Variants in LSAMP observed in about 807,000 individuals in gnomAD.
LSAMP encodes the protein limbic system associated membrane protein.
Under a neutral mutation model 38.6 loss-of-function variants are expected in LSAMP, and 7 were observed. The observed-to-expected ratio is 0.18, with a 90% confidence interval of 0.10 to 0.34. The LOEUF (loss-of-function observed/expected upper bound fraction) is 0.34, where lower values mean the gene tolerates loss of function less well. Among genes scored for constraint, LSAMP ranks in the 10% least tolerant of loss-of-function variants. The pLI, the probability that LSAMP is intolerant of heterozygous loss-of-function variation, is 1.00. For synonymous variants in LSAMP, 154 were observed against 166.8 expected, an observed-to-expected ratio of 0.92 and a Z score of 0.59; for missense variants, 313 against 420.0, an observed-to-expected ratio of 0.75 and a Z score of 2.23.
At chr3:116,088,149 G>A (rs1708036759) in intron 1 of LSAMP, among the ~76,000 whole-genome samples, 1 of 152,210 alleles carries the variant, frequency 6.6e-6, no homozygotes, top group Admixed American at 6.5e-5. Context: ...TAAGCACTGG[G>A]ATTATAGTCA....
chr3:116,381,406 GA>G (rs1397578925), intron 1 of LSAMP, among the ~76,000 whole-genome samples: 4 of 152,036 alleles, frequency 2.6e-5, no homozygotes, highest in African/African-American at 9.7e-5. Context: ...GTTGTATATG[GA>G]ATGATGGGAA....
At chr3:116,309,561 G>C (rs2047528894) in intron 1 of LSAMP, among the ~76,000 whole-genome samples, 3 of 152,032 alleles carry the variant, frequency 2.0e-5, no homozygotes, top group Non-Finnish European at 2.9e-5. Flanking sequence ...TACTCAAGAG[G>C]ACCACTCCCC....
intron 1 of LSAMP, among the ~76,000 whole-genome samples, chr3:116,242,475 C>T (rs1329102900): frequency 6.6e-6 from 1 of 152,106 alleles, no homozygotes; most frequent in East Asian, 1.9e-4. Flanking sequence ...GGACAACATC[C>T]CAAGTGGGCA....
intron 3 of LSAMP, among the ~76,000 whole-genome samples, chr3:115,912,527 C>A (rs1030806347): frequency 3.9e-5 from 6 of 152,164 alleles, no homozygotes; most frequent in Admixed American, 1.3e-4. Context: ...ATATGAAAAG[C>A]TCAGCTCCAT....
intron 3 of LSAMP, among the ~76,000 whole-genome samples, chr3:115,971,013 G>T (rs557536709): frequency 6.6e-6 from 1 of 152,096 alleles, no homozygotes; most frequent in Non-Finnish European, 1.5e-5. Flanking sequence ...AGAGTAATGG[G>T]AACAATTCAT....
At chr3:115,997,713 GATATATATAT>G (rs376845636) in intron 3 of LSAMP, among the ~76,000 whole-genome samples, 278 of 91,658 alleles carry the variant, frequency 3.0e-3, no homozygotes, top group East Asian at 9.0e-3. Context: ...GACATTTTGG[GATATATATAT>G]ATATATATAT....
chr3:116,350,558 G>A (rs2048124107), intron 1 of LSAMP, among the ~76,000 whole-genome samples: 1 of 151,568 alleles, frequency 6.6e-6, no homozygotes, highest in African/African-American at 2.4e-5. Context: ...CCCTGCATTA[G>A]TCACTTAGTA....
intron 2 of LSAMP, among the ~76,000 whole-genome samples, chr3:116,024,856 G>A (rs1384380811): frequency 1.3e-5 from 2 of 150,870 alleles, no homozygotes; most frequent in Admixed American, 1.3e-4. Context: ...TGGGCAAAGG[G>A]GACAAAAATG....
intron 1 of LSAMP, among the ~76,000 whole-genome samples, chr3:116,201,649 G>A (rs549757466): frequency 3.9e-5 from 6 of 152,248 alleles, no homozygotes; most frequent in African/African-American, 1.2e-4. Flanking sequence ...TACTTACTCA[G>A]GCTCTTGTGC....
rs748726935 is a variant in LSAMP at position 116,444,906 on chromosome 3, G to C, written c.126C>G (p.Thr42=). 1 of 1,614,028 alleles carries C rather than the reference G, an allele frequency of 6.2e-7. No homozygotes were observed. The highest frequency in any genetic ancestry group is 1.1e-5 in the South Asian group (1 of 91,074). ...GGATGGCTGTGTCCCCCTGCCTCAC[G>C]GTGATGTTGTCCGTGCCTCGGTTAA... ...VDFNRGTDNI[T]VRQGDTAILR... is the part of the protein sequence containing the mutation. Residue 42 remains threonine (T), a synonymous_variant, in exon 1 of 7, where the codon ACC becomes ACG. Coordinates refer to ENST00000490035, the MANE Select transcript of LSAMP (RefSeq NM_002338.5).
At chr3:115,961,870 T>C (rs1938637602) in intron 3 of LSAMP, among the ~76,000 whole-genome samples, 1 of 152,162 alleles carries the variant, frequency 6.6e-6, no homozygotes, top group African/African-American at 2.4e-5. Context: ...GAACCTTTAT[T>C]AAATCCTTTC....
intron 3 of LSAMP, among the ~76,000 whole-genome samples, chr3:115,886,465 G>C (rs572587606): frequency 6.6e-6 from 1 of 152,006 alleles, no homozygotes; most frequent in East Asian, 1.9e-4. Context: ...ACAACAAAAG[G>C]TGGTTATTTA....
At chr3:116,151,660 T>C (rs1006184357) in intron 1 of LSAMP, among the ~76,000 whole-genome samples, 1 of 152,052 alleles carries the variant, frequency 6.6e-6, no homozygotes, top group African/African-American at 2.4e-5. Context: ...CTATTGAACC[T>C]TGAGTGAACA....
intron 3 of LSAMP, among the ~76,000 whole-genome samples, chr3:116,011,784 A>G (rs1222923805): frequency 6.6e-6 from 1 of 152,224 alleles, no homozygotes; most frequent in Non-Finnish European, 1.5e-5. Context: ...AAAAGAGACC[A>G]GGATCATTCT....
At chr3:116,286,736 G>T (rs545390790) in intron 1 of LSAMP, among the ~76,000 whole-genome samples, 1 of 152,210 alleles carries the variant, frequency 6.6e-6, no homozygotes, top group Non-Finnish European at 1.5e-5. Flanking sequence ...CAAATCATCT[G>T]TACCATGCAA....
In LSAMP at chr3:115,826,870, A is replaced by G. The variant is rs940047927; in HGVS notation, c.919+14975T>C. Among the ~76,000 whole-genome samples the G allele has an allele frequency of 9.2e-5, 14 of 152,082 alleles. No homozygotes were observed. The East Asian group carries it at 1.7e-3, about 19-fold the overall frequency. ...AAGTGGAGAGTACATCTAAATACAGAAAAAAAATCATACTATTTACGAGTT... is the reference window on the plus strand; with the variant it reads ...AAGTGGAGAGTACATCTAAATACAGGAAAAAAATCATACTATTTACGAGTT... On this transcript the variant is annotated intron_variant, in intron 6 of 6. Coordinates refer to ENST00000490035, the MANE Select transcript of LSAMP (RefSeq NM_002338.5).
intron 1 of LSAMP, among the ~76,000 whole-genome samples, chr3:116,149,194 A>T (rs1355207049): frequency 6.6e-6 from 1 of 151,974 alleles, no homozygotes; most frequent in African/African-American, 2.4e-5. Flanking sequence ...AGACTCCAGG[A>T]GACCCTGCAG....
At chr3:116,171,546 G>C (rs1710199395) in intron 1 of LSAMP, among the ~76,000 whole-genome samples, 1 of 152,026 alleles carries the variant, frequency 6.6e-6, no homozygotes, top group African/African-American at 2.4e-5. Flanking sequence ...TTTTAAATCT[G>C]ATAATCTGAA....
chr3:116,050,439 T>C (rs1941374218), intron 2 of LSAMP, among the ~76,000 whole-genome samples: 3 of 152,076 alleles, frequency 2.0e-5, no homozygotes, highest in African/African-American at 4.8e-5. Context: ...AAGTTTGCCA[T>C]CTGTTTCCTG....
Sources: allele counts gnomAD v4.1 joint callset (sites outside exome capture counted in the v4.1 genomes callset), GRCh38; gene constraint gnomAD v4.1.1; transcripts MANE v1.5; gene names NCBI Gene and HGNC (gene_info 2026-07-23, HGNC 2026-07-21).